The following CRPPA variants were observed in gnomAD, a reference collection of about 807,000 sequenced individuals.
The protein encoded by CRPPA is D-ribitol-5-phosphate cytidylyltransferase.
In CRPPA, 43 loss-of-function variants were observed where a neutral mutation model predicts 52.0. The observed-to-expected ratio is 0.83, with a 90% CI of 0.65 to 1.07. CRPPA has a LOEUF of 1.07. Among genes scored for constraint, CRPPA ranks in the 50% least tolerant of loss-of-function variants. CRPPA has a pLI of 0.00. For synonymous variants in CRPPA, 250 were observed against 203.5 expected, an observed-to-expected ratio of 1.23 and a Z score of -1.94; for missense variants, 629 against 551.7, an observed-to-expected ratio of 1.14 and a Z score of -1.40.
In CRPPA at chr7:16,216,103, T is replaced by C; in HGVS notation, c.1214A>G (p.Asn405Ser). 2 of 1,601,620 alleles carry C rather than the reference T, an allele frequency of 1.2e-6. No homozygotes were observed. The highest frequency in any genetic ancestry group is 2.2e-5 in the South Asian group (2 of 89,016). ...TATGAGAAGCCCATATAACAAAATA[T>C]TTCTTTCTTTTACTTCCTTTGCAAA... ...REFAKEVKERNILLYGLLISY... is the reference protein window; with the variant it reads ...REFAKEVKERSILLYGLLISY... Residue 405 changes from asparagine (N) to serine (S), a missense_variant, in exon 9 of 10, where the codon AAT becomes AGT. By Grantham distance (46) the Asn-to-Ser change is conservative. Transcript: ENST00000407010.
chr7:16,308,185 T>C (rs1784954856), intron 4 of CRPPA, among the ~76,000 whole-genome samples: 1 of 152,176 alleles, frequency 6.6e-6, no homozygotes, highest in Admixed American at 6.5e-5. Flanking sequence ...TGCAGAACCA[T>C]GAGCCAATTA....
In CRPPA at chr7:16,298,577, A is replaced by T. The variant is rs1784720657; in HGVS notation, c.835+2844T>A. ...AAGTGCCCAATTAATGCTGTGTAAT[A>T]GTAATAGTGCCTAGGAAAATACTTT... On this transcript the variant is annotated intron_variant, in intron 5 of 9. Transcript: ENST00000407010. Among the ~76,000 whole-genome samples, 5 of 152,344 alleles carry T rather than the reference A, an allele frequency of 3.3e-5. No homozygotes were observed. The South Asian group carries it at 1.0e-3, about 32-fold the overall frequency.
intron 9 of CRPPA, among the ~76,000 whole-genome samples, chr7:16,171,861 G>C (rs1002898154): frequency 1.3e-5 from 2 of 152,116 alleles, no homozygotes; most frequent in Admixed American, 1.3e-4. Context: ...GACACTTCCA[G>C]TATATATTTT....
chr7:16,392,617 T>TA (rs1042889657), intron 2 of CRPPA, among the ~76,000 whole-genome samples: 1 of 152,128 alleles, frequency 6.6e-6, no homozygotes, highest in African/African-American at 2.4e-5. Flanking sequence ...GTGCTACAAA[T>TA]ACACTGTGAA....
At chr7:16,168,215 T>C (rs900647947) in intron 9 of CRPPA, among the ~76,000 whole-genome samples, 21 of 152,186 alleles carry the variant, frequency 1.4e-4, no homozygotes, top group African/African-American at 4.8e-4. Flanking sequence ...ACTGGCTAAA[T>C]AGATAATTCA....
In CRPPA at chr7:16,421,293, C is replaced by T. The variant is rs951911434; in HGVS notation, c.30G>A (p.Arg10=). The T allele has an allele frequency of 3.2e-6, 4 of 1,268,950 alleles. No individual in the cohort carries two copies. In the African/African-American group the frequency reaches 4.7e-5, roughly 15 times the overall value. The allele number at this position is 1,268,950 out of a possible 1,614,324, so 78.6% of individuals were successfully genotyped here. ...TCAGGCAAGGACCCGGCTCCGCCGG[C>T]CTGGCGCTGCCCGGCGGCCCGGCCT... MEAGPPGSA[R]PAEPGPCLSG... The change falls in exon 1 of 10, where the codon AGG becomes AGA. Residue 10 remains arginine, a synonymous_variant. Coordinates refer to ENST00000407010, the MANE Select transcript of CRPPA (RefSeq NM_001101426.4).
intron 9 of CRPPA, among the ~76,000 whole-genome samples, chr7:16,144,989 G>T (rs923287254): frequency 6.6e-6 from 1 of 152,168 alleles, no homozygotes; most frequent in African/African-American, 2.4e-5. Flanking sequence ...AACCTCTGAA[G>T]TAGAACAAGC....
At chr7:16,352,359 A>G (rs927639136) in intron 3 of CRPPA, among the ~76,000 whole-genome samples, 4 of 152,116 alleles carry the variant, frequency 2.6e-5, no homozygotes, top group Non-Finnish European at 4.4e-5. Context: ...ATGTATACCT[A>G]TGTAACAAAC....
At position 16,243,778 on chromosome 7, in the gene CRPPA, C is replaced by T. The variant is rs184367288; in HGVS notation, c.1119+14612G>A. Among the ~76,000 whole-genome samples the T allele has an allele frequency of 3.0e-4, 46 of 152,196 alleles. 1 individual carries two copies. In the East Asian group the frequency reaches 8.7e-3, roughly 29 times the overall value. On this transcript the variant is annotated intron_variant, in intron 8 of 9. Coordinates refer to ENST00000407010, the MANE Select transcript of CRPPA (RefSeq NM_001101426.4). The stretch of plus-strand genomic sequence containing the variant: ...CTCAGGAGTTTAAGACCAGATTGGG[C>T]AGCACAACAAGACCTCATCTCTACC...
At chr7:16,206,364 C>T (rs1212926182) in intron 9 of CRPPA, among the ~76,000 whole-genome samples, 1 of 152,004 alleles carries the variant, frequency 6.6e-6, no homozygotes, top group Non-Finnish European at 1.5e-5. Context: ...ATTAAACTTC[C>T]TTTACTTGCG....
intron 8 of CRPPA, among the ~76,000 whole-genome samples, chr7:16,239,766 A>C (rs984457729): frequency 6.6e-6 from 1 of 152,146 alleles, no homozygotes; most frequent in Admixed American, 6.5e-5. Flanking sequence ...AGCACTGGAA[A>C]ATAAATTCAC....
intron 9 of CRPPA, among the ~76,000 whole-genome samples, chr7:16,149,239 T>C (rs1415123521): frequency 1.3e-5 from 2 of 152,186 alleles, no homozygotes; most frequent in Non-Finnish European, 1.5e-5. Flanking sequence ...ATCTATATTT[T>C]AAAATACTTT....
chr7:16,406,084 C>A lies in CRPPA; in HGVS notation c.511G>T (p.Val171Phe). The A allele has an allele frequency of 6.2e-7, 1 of 1,613,618 alleles. No individual in the cohort carries two copies. Among genetic ancestry groups the A allele is most frequent in the Non-Finnish European group, 8.5e-7 (1 of 1,179,672 alleles). ...FVEEGVLLKV[V>F]TAAKEHGAAG... Reference sequence around the variant, plus strand: ...ACCCCGTGTTCCTTAGCAGCTGTGACAACTTTAAGAAGGACACCTTCCTCA... The same window carrying A: ...ACCCCGTGTTCCTTAGCAGCTGTGAAAACTTTAAGAAGGACACCTTCCTCA... The change falls in exon 2 of 10, where the codon GTC becomes TTC. Residue 171 changes from valine (V) to phenylalanine (F), a missense_variant. Transcript: ENST00000407010.
In CRPPA at chr7:16,219,220, A is replaced by T. The variant is rs574077954; in HGVS notation, c.1120-3023T>A. ...GGATACATAACGAAATGAAGGCAGAAATAAAGATGTTCTTTGAAATCAATG... is the reference window on the plus strand; with the variant it reads ...GGATACATAACGAAATGAAGGCAGATATAAAGATGTTCTTTGAAATCAATG... On this transcript the variant is annotated intron_variant, in intron 8 of 9. Transcript: ENST00000407010. Among the ~76,000 whole-genome samples the T allele has an allele frequency of 8.5e-3, 1,296 of 151,686 alleles. 16 individuals are homozygous for T. Among genetic ancestry groups the T allele is most frequent in the African/African-American group, 0.03 (1,246 of 41,254 alleles).
At chr7:16,161,177 C>G (rs965416864) in intron 9 of CRPPA, among the ~76,000 whole-genome samples, 1 of 152,140 alleles carries the variant, frequency 6.6e-6, no homozygotes, top group African/African-American at 2.4e-5. Context: ...CGCTTTATTT[C>G]TTTCTCTTGC....
intron 8 of CRPPA, among the ~76,000 whole-genome samples, chr7:16,247,201 CTCT>C (rs1424336678): frequency 1.3e-5 from 2 of 152,234 alleles, no homozygotes; most frequent in African/African-American, 2.4e-5. Flanking sequence ...TAGCTTCAAA[CTCT>C]TCTTCTGTAA....
intron 2 of CRPPA, among the ~76,000 whole-genome samples, chr7:16,388,243 G>A (rs1266254208): frequency 6.6e-6 from 1 of 152,080 alleles, no homozygotes; most frequent in African/African-American, 2.4e-5. Context: ...CCCCAAGTGG[G>A]CATGGAGCAA....
intron 9 of CRPPA, among the ~76,000 whole-genome samples, chr7:16,173,431 CA>C (rs1186573435): frequency 6.6e-6 from 1 of 152,054 alleles, no homozygotes; most frequent in Non-Finnish European, 1.5e-5. Flanking sequence ...GGTAGTTGAG[CA>C]AGTCCTAGTC....
intron 9 of CRPPA, among the ~76,000 whole-genome samples, chr7:16,177,362 T>A (rs908802910): frequency 1.1e-4 from 17 of 152,104 alleles, no homozygotes; most frequent in African/African-American, 4.1e-4. Context: ...ATATAATATG[T>A]CCTATTTGAT....
Sources: gnomAD v4.1 joint callset for allele counts (sites outside exome capture counted in the v4.1 genomes callset) on GRCh38, gnomAD v4.1.1 for gene constraint, MANE v1.5 for transcripts, NCBI Gene and HGNC (gene_info 2026-07-23, HGNC 2026-07-21) for gene names.